ATRNL1: variants seen among roughly 807,000 people sequenced by gnomAD.
ATRNL1 encodes attractin-like protein 1.
In ATRNL1, 95 loss-of-function variants were observed where a neutral mutation model predicts 182.7. The ratio of observed to expected loss-of-function variants is 0.52; its 90% confidence interval spans 0.44 to 0.62. The LOEUF (loss-of-function observed/expected upper bound fraction) is 0.62. ATRNL1 is among the 20% of genes least tolerant of loss of function. The pLI, the probability that ATRNL1 is intolerant of heterozygous loss-of-function variation, is 0.00. For missense variants in ATRNL1, 1,471 were observed against 1,679.5 expected, an observed-to-expected ratio of 0.88 and a Z score of 2.17; for synonymous variants, 576 against 568.3, an observed-to-expected ratio of 1.01 and a Z score of -0.19.
At chr10:115,646,704 C>CAT (rs1859636963) in intron 26 of ATRNL1, among the ~76,000 whole-genome samples, 2 of 150,890 alleles carry the variant, frequency 1.3e-5, no homozygotes, top group African/African-American at 2.4e-5. Context: ...TGGACTAATA[C>CAT]ATATATATAT....
At chr10:115,225,448 A>T (rs1266554037) in intron 9 of ATRNL1, among the ~76,000 whole-genome samples, 2 of 142,598 alleles carry the variant, frequency 1.4e-5, no homozygotes, top group Non-Finnish European at 3.1e-5. Context: ...ATTGTATTGG[A>T]ATTTCCAGCC....
intron 28 of ATRNL1, among the ~76,000 whole-genome samples, chr10:115,909,196 G>A (rs1474308385): frequency 6.6e-6 from 1 of 151,470 alleles, no homozygotes; most frequent in Non-Finnish European, 1.5e-5. Context: ...GTCAGTTAAA[G>A]GTACCAGAAG....
At chr10:115,397,907 C>G (rs1844367240) in intron 20 of ATRNL1, among the ~76,000 whole-genome samples, 1 of 151,860 alleles carries the variant, frequency 6.6e-6, no homozygotes, top group Non-Finnish European at 1.5e-5. Context: ...GACCACAAAT[C>G]TAAAGAGAGA....
chr10:115,588,157 G>C (rs1555010849), intron 26 of ATRNL1, among the ~76,000 whole-genome samples: 1 of 152,164 alleles, frequency 6.6e-6, no homozygotes, highest in Non-Finnish European at 1.5e-5. Flanking sequence ...TGTTAAACCT[G>C]ATATGTAGCA....
At chr10:115,856,508 C>T (rs1951191681) in intron 28 of ATRNL1, among the ~76,000 whole-genome samples, 1 of 145,368 alleles carries the variant, frequency 6.9e-6, no homozygotes, top group African/African-American at 2.5e-5. Flanking sequence ...CTTTGAGTTA[C>T]TGTAACCCTA....
At chr10:115,591,777 C>G (rs140618637) in intron 26 of ATRNL1, among the ~76,000 whole-genome samples, 59 of 152,300 alleles carry the variant, frequency 3.9e-4, no homozygotes, top group African/African-American at 1.1e-3. Context: ...ACTCAAAGAA[C>G]TTACAACTAC....
At chr10:115,461,381 G>T (rs1847789384) in intron 21 of ATRNL1, among the ~76,000 whole-genome samples, 1 of 151,904 alleles carries the variant, frequency 6.6e-6, no homozygotes, top group South Asian at 2.1e-4. Flanking sequence ...GTGAATAAAG[G>T]TCATATCTGT....
At chr10:115,818,557 T>C (rs1471036264) in intron 27 of ATRNL1, among the ~76,000 whole-genome samples, 1 of 152,206 alleles carries the variant, frequency 6.6e-6, no homozygotes, top group Non-Finnish European at 1.5e-5. Context: ...GTAGTTAAAC[T>C]GTTGTCAGAG....
At chr10:115,657,309 A>G (rs1285968454) in intron 26 of ATRNL1, among the ~76,000 whole-genome samples, 1 of 152,190 alleles carries the variant, frequency 6.6e-6, no homozygotes, top group African/African-American at 2.4e-5. Context: ...AGATGGCTAC[A>G]GATGCTGACA....
intron 26 of ATRNL1, among the ~76,000 whole-genome samples, chr10:115,563,623 G>A (rs1555000505): frequency 1.3e-5 from 2 of 152,034 alleles, no homozygotes; most frequent in African/African-American, 2.4e-5. Context: ...TAATTTTATT[G>A]TGATTTGAAC....
chr10:115,922,653 G>A (rs2615883), intron 28 of ATRNL1, among the ~76,000 whole-genome samples: 146,268 of 152,220 alleles, frequency 0.96, 70,573 homozygotes, highest in East Asian at 1. Context: ...GATAGTTTTC[G>A]TTTTCAAAAG....
chr10:115,637,646 A>G (rs1042059021), intron 26 of ATRNL1, among the ~76,000 whole-genome samples: 1 of 92,190 alleles, frequency 1.1e-5, no homozygotes, highest in Non-Finnish European at 2.1e-5. Context: ...TTATTTTGAG[A>G]TGGAATCTCG....
intron 8 of ATRNL1, among the ~76,000 whole-genome samples, chr10:115,193,953 G>C (rs185465847): frequency 6.6e-6 from 1 of 151,868 alleles, no homozygotes; most frequent in East Asian, 1.9e-4. Context: ...TTTCTTCATT[G>C]ACCGAAGTGG....
At position 115,300,266 on chromosome 10, in the gene ATRNL1, T is replaced by G. The variant is rs782214168; in HGVS notation, c.2629+19T>G. On this transcript the variant is annotated intron_variant, in intron 16 of 28. Transcript: ENST00000355044. ...CCTGTTGGTAAGTAGTCCAGTAAAT[T>G]AGCATTCCTTTAAAAGTATGTTTCC... The G allele has an allele frequency of 6.3e-7, 1 of 1,589,182 alleles. No homozygotes were observed. Among genetic ancestry groups the G allele is most frequent in the East Asian group, 2.2e-5 (1 of 44,680 alleles).
intron 24 of ATRNL1, among the ~76,000 whole-genome samples, chr10:115,517,184 C>A (rs1371233571): frequency 6.6e-6 from 1 of 151,918 alleles, no homozygotes; most frequent in Non-Finnish European, 1.5e-5. Context: ...TTGCCATTAT[C>A]AAATTCCCCT....
intron 26 of ATRNL1, among the ~76,000 whole-genome samples, chr10:115,675,648 G>C (rs1945837677): frequency 6.6e-6 from 1 of 151,934 alleles, no homozygotes; most frequent in Non-Finnish European, 1.5e-5. Context: ...CAGCAAATAA[G>C]AACGGAAAAA....
chr10:115,757,329 C>T (rs1004563661), intron 27 of ATRNL1, among the ~76,000 whole-genome samples: 4 of 152,156 alleles, frequency 2.6e-5, no homozygotes, highest in African/African-American at 7.2e-5. Context: ...GTACTTCCTT[C>T]AGGAGCTCTT....
intron 26 of ATRNL1, among the ~76,000 whole-genome samples, chr10:115,560,284 G>T (rs1427529248): frequency 1.3e-5 from 2 of 152,118 alleles, no homozygotes; most frequent in African/African-American, 4.8e-5. Context: ...TTGACTCTCA[G>T]TTCCACATGG....
chr10:115,769,622 C>T (rs1948938882), intron 27 of ATRNL1, among the ~76,000 whole-genome samples: 1 of 152,092 alleles, frequency 6.6e-6, no homozygotes, highest in Non-Finnish European at 1.5e-5. Context: ...GAGAGGATAT[C>T]ACTGACTTTG....
Sources: gnomAD v4.1 joint callset for allele counts (sites outside exome capture counted in the v4.1 genomes callset) on GRCh38, gnomAD v4.1.1 for gene constraint, MANE v1.5 for transcripts, NCBI Gene and HGNC (gene_info 2026-07-23, HGNC 2026-07-21) for gene names.